Variants in DRC11 observed in about 807,000 individuals in gnomAD.
DRC11 encodes the protein dynein regulatory complex subunit 11, also known as IQ and AAA domain-containing protein 1.
chr2:236,355,338 T>G, the DRC11 span, among the ~76,000 whole-genome samples: 1 of 152,178 alleles, frequency 6.6e-6, no homozygotes, highest in South Asian at 2.1e-4. Context: ...ATGTGGGCGC[T>G]CTCTGCACTT....
the DRC11 span, among the ~76,000 whole-genome samples, chr2:236,467,011 A>T: frequency 6.6e-6 from 1 of 152,156 alleles, no homozygotes. Context: ...GAGGAATTCT[A>T]CTTCTAATAT....
At chr2:236,376,347 T>G in the DRC11 span, among the ~76,000 whole-genome samples, 1 of 152,294 alleles carries the variant, frequency 6.6e-6, no homozygotes, top group East Asian at 1.9e-4. The surrounding 1 kb of genome is among the most constrained non-coding windows in gnomAD (Gnocchi z 5.7). Flanking sequence ...GCACCATCCT[T>G]GGCTGGATTT....
At chr2:236,498,794 G>A in the DRC11 span, among the ~76,000 whole-genome samples, 3 of 152,024 alleles carry the variant, frequency 2.0e-5, no homozygotes, top group Admixed American at 6.6e-5. Flanking sequence ...GAGTGTCCCC[G>A]CTTTTCCTGC....
chr2:236,393,548 T>G, the DRC11 span, among the ~76,000 whole-genome samples: 2 of 152,096 alleles, frequency 1.3e-5, no homozygotes, highest in Non-Finnish European at 1.5e-5. This position sits in a 1 kb window ranked among gnomAD's most constrained non-coding sequence, Gnocchi z 4.7. Flanking sequence ...CGTGAAGACC[T>G]AGCATAGAGA....
chr2:236,506,388 C>T, the DRC11 span, among the ~76,000 whole-genome samples: 10 of 152,362 alleles, frequency 6.6e-5, no homozygotes, highest in South Asian at 4.1e-4. This position sits in a 1 kb window ranked among gnomAD's most constrained non-coding sequence, Gnocchi z 4.9. Flanking sequence ...TTCATCTCCA[C>T]GTGATGTCCA....
At chr2:236,387,234 C>T in the DRC11 span, among the ~76,000 whole-genome samples, 4 of 147,896 alleles carry the variant, frequency 2.7e-5, no homozygotes, top group African/African-American at 5.0e-5. Context: ...CTTTCTGTCT[C>T]GTTGATCTGT....
chr2:236,328,646 G>A, the DRC11 span, among the ~76,000 whole-genome samples: 1 of 152,130 alleles, frequency 6.6e-6, no homozygotes, highest in Non-Finnish European at 1.5e-5. The surrounding 1 kb of genome is among the most constrained non-coding windows in gnomAD (Gnocchi z 6.7). Context: ...TAGTGGCACT[G>A]GGGGATTCCC....
At chr2:236,478,005 TTGTGTGTGTG>T in the DRC11 span, among the ~76,000 whole-genome samples, 9 of 146,794 alleles carry the variant, frequency 6.1e-5, no homozygotes, top group Non-Finnish European at 1.3e-4. The surrounding 1 kb of genome is among the most constrained non-coding windows in gnomAD (Gnocchi z 5.9). Flanking sequence ...TTTTGTTGAT[TTGTGTGTGTG>T]TGTGTGTGTG....
the DRC11 span, among the ~76,000 whole-genome samples, chr2:236,405,233 A>G: frequency 2.0e-5 from 3 of 152,038 alleles, no homozygotes; most frequent in Non-Finnish European, 4.4e-5. This position sits in a 1 kb window ranked among gnomAD's most constrained non-coding sequence, Gnocchi z 4.6. Flanking sequence ...TTCCATCTCC[A>G]TTGCTTTCCA....
chr2:236,447,374 G>A, the DRC11 span, among the ~76,000 whole-genome samples: 3 of 151,668 alleles, frequency 2.0e-5, no homozygotes, highest in South Asian at 4.1e-4. The surrounding 1 kb of genome is among the most constrained non-coding windows in gnomAD (Gnocchi z 4.6). Context: ...GTGAAGAGAC[G>A]CTGGGAGCTG....
the DRC11 span, among the ~76,000 whole-genome samples, chr2:236,505,032 G>A: frequency 6.6e-6 from 1 of 152,168 alleles, no homozygotes; most frequent in African/African-American, 2.4e-5. Flanking sequence ...AAGTGTTCCT[G>A]GAATTTTAAA....
the DRC11 span, among the ~76,000 whole-genome samples, chr2:236,400,856 T>C: frequency 3.3e-5 from 5 of 152,154 alleles, no homozygotes; most frequent in African/African-American, 1.2e-4. This position sits in a 1 kb window ranked among gnomAD's most constrained non-coding sequence, Gnocchi z 7.9. Flanking sequence ...CTCCTCTCTC[T>C]CCCCATGGCC....
chr2:236,455,413 T>C, the DRC11 span, among the ~76,000 whole-genome samples: 3 of 152,178 alleles, frequency 2.0e-5, no homozygotes, highest in African/African-American at 4.8e-5. The surrounding 1 kb of genome is among the most constrained non-coding windows in gnomAD (Gnocchi z 5.7). Context: ...AAATGCAAGT[T>C]CATCTGAGAG....
At chr2:236,453,507 C>T in the DRC11 span, among the ~76,000 whole-genome samples, 1 of 152,218 alleles carries the variant, frequency 6.6e-6, no homozygotes, top group African/African-American at 2.4e-5. This position sits in a 1 kb window ranked among gnomAD's most constrained non-coding sequence, Gnocchi z 4.9. Context: ...AAGAACAGCT[C>T]TGTCCTCTGC....
chr2:236,357,939 TATATA>T, the DRC11 span, among the ~76,000 whole-genome samples: 5 of 77,118 alleles, frequency 6.5e-5, no homozygotes, highest in Admixed American at 3.7e-4. Context: ...CATATATGAA[TATATA>T]ATATATAAAT....
the DRC11 span, among the ~76,000 whole-genome samples, chr2:236,317,299 GA>G: frequency 0.035 from 4,948 of 139,740 alleles, 103 homozygotes; most frequent in African/African-American, 0.061. The surrounding 1 kb of genome is among the most constrained non-coding windows in gnomAD (Gnocchi z 5.4). Flanking sequence ...CATATCGGGG[GA>G]AAAAAAAAAA....
chr2:236,336,534 C>T, the DRC11 span, among the ~76,000 whole-genome samples: 2 of 152,082 alleles, frequency 1.3e-5, no homozygotes, highest in African/African-American at 2.4e-5. The surrounding 1 kb of genome is among the most constrained non-coding windows in gnomAD (Gnocchi z 7.3). Flanking sequence ...CCATCATCAT[C>T]TCCAGTGTCA....
the DRC11 span, chr2:236,377,311 A>G: frequency 1.7e-6 from 1 of 592,554 alleles, no homozygotes; most frequent in Non-Finnish European, 3.0e-6. The surrounding 1 kb of genome is among the most constrained non-coding windows in gnomAD (Gnocchi z 4.9). Context: ...TTCATATGCA[A>G]ATAAAAGGAT....
the DRC11 span, among the ~76,000 whole-genome samples, chr2:236,431,956 AG>A: frequency 6.6e-6 from 1 of 152,220 alleles, no homozygotes; most frequent in Non-Finnish European, 1.5e-5. This position sits in a 1 kb window ranked among gnomAD's most constrained non-coding sequence, Gnocchi z 4.2. Flanking sequence ...TCCTAAGAGA[AG>A]AATTGCTAGG....
Sources: gnomAD v4.1 joint callset for allele counts (sites outside exome capture counted in the v4.1 genomes callset) on GRCh38, gnomAD v4.1.1 for gene constraint, Gnocchi (gnomAD v3.1) non-coding constraint, MANE v1.5 for transcripts, NCBI Gene and HGNC (gene_info 2026-07-23, HGNC 2026-07-21) for gene names.